APOBEC4: variants seen among roughly 807,000 people sequenced by gnomAD.
APOBEC4 encodes the protein apolipoprotein B mRNA editing enzyme catalytic polypeptide like 4.
For synonymous variants in APOBEC4, 141 were observed against 154.2 expected (o/e 0.91, Z 0.63); for missense variants, 375 against 441.2 (o/e 0.85, Z 1.34).
intron 1 of APOBEC4, among the ~76,000 whole-genome samples, chr1:183,651,195 T>C (rs980039265): frequency 3.9e-5 from 6 of 152,216 alleles, no homozygotes; most frequent in Non-Finnish European, 8.8e-5. Context: ...AAAGCATAAT[T>C]AAGTATTCCC....
At chr1:183,652,897 T>C (rs924327020) in intron 1 of APOBEC4, among the ~76,000 whole-genome samples, 175 bp downstream of exon 1, 1 of 152,184 alleles carries the variant, frequency 6.6e-6, no homozygotes, top group Non-Finnish European at 1.5e-5. Flanking sequence ...TTCCATAGTT[T>C]AACATAAATG....
Position 183,646,876 on chromosome 1 carries a change from G to A in APOBEC4, c.*802C>T, listed in dbSNP as rs571137498. 6.6e-6 allele frequency: 1 copy of A among 152,314 alleles called. No homozygotes were observed. The highest frequency in any genetic ancestry group is 1.5e-5 in the Non-Finnish European group (1 of 68,036). 9.4% of individuals were successfully genotyped at this position (152,314 alleles called of 1,614,324 possible). A position where few individuals can be genotyped will look rare whatever the true frequency, so the allele number is the denominator to read the frequency against. On this transcript the variant is annotated 3_prime_UTR_variant, in exon 2 of 2. Transcript: ENST00000308641. ...TAATGTGCTAGATCCTAAGGGAAAA[G>A]CTAAAGAGAAGGGAGAGACAGTGCT...
At chr1:183,649,591 A>C (rs75446744) in intron 1 of APOBEC4, among the ~76,000 whole-genome samples, 1,985 of 152,250 alleles carry the variant, frequency 0.013, 48 homozygotes, top group African/African-American at 0.046. Flanking sequence ...GATTGTGGAC[A>C]CTCATTCATT....
rs1650348872 is a variant in APOBEC4, at chr1:183,647,153, T to TC, written c.*524dup. The TC allele has an allele frequency of 1.3e-5, 2 of 152,940 alleles. No individual in the cohort carries two copies. Among genetic ancestry groups the TC allele is most frequent in the Admixed American group, 6.5e-5 (1 of 15,414 alleles). The allele number at this position is 152,940 out of a possible 1,614,324, so 9.5% of individuals were successfully genotyped here. ...ATATGTAATCAGCAGAAGAGCTTTT[T>TC]CCCACACAAAACTATTTTGAATCAC... is the stretch of plus-strand genomic sequence containing the variant. On this transcript the variant is annotated 3_prime_UTR_variant, in exon 2 of 2. Coordinates refer to ENST00000308641, the MANE Select transcript of APOBEC4 (RefSeq NM_203454.3).
chr1:183,649,954 G>A (rs553302767), intron 1 of APOBEC4, among the ~76,000 whole-genome samples: 1 of 152,220 alleles, frequency 6.6e-6, no homozygotes, highest in East Asian at 1.9e-4. Context: ...TGAGACCACA[G>A]GTATGTACCA....
In APOBEC4 at chr1:183,648,183, C is replaced by T. The variant is rs1331626685; in HGVS notation, c.599G>A (p.Ser200Asn). The T allele has an allele frequency of 6.2e-7, 1 of 1,614,206 alleles. No homozygotes were observed. Among genetic ancestry groups the T allele is most frequent in the South Asian group, 1.1e-5 (1 of 91,086 alleles). Residue 200 changes from serine to asparagine, a missense_variant, in exon 2 of 2, where the codon AGC (serine) becomes AAC (asparagine). Transcript: ENST00000308641. ...SGGIWHSVLHSFISGVSGSHV... is the reference protein window; with the variant it reads ...SGGIWHSVLHNFISGVSGSHV... Reference sequence around the variant, plus strand: ...TGATCCTGAGACACCACTTATAAAGCTGTGGAGAACAGAATGCCAGATCCC... The same window carrying T: ...TGATCCTGAGACACCACTTATAAAGTTGTGGAGAACAGAATGCCAGATCCC...
intron 1 of APOBEC4, among the ~76,000 whole-genome samples, chr1:183,650,311 G>A (rs1650632639): frequency 1.3e-5 from 2 of 152,130 alleles, no homozygotes; most frequent in South Asian, 4.1e-4. Context: ...TGGGAGGCCA[G>A]GGTGGGCGGA....
intron 1 of APOBEC4, among the ~76,000 whole-genome samples, chr1:183,650,142 C>T (rs1359986881): frequency 6.6e-6 from 1 of 152,160 alleles, no homozygotes; most frequent in Non-Finnish European, 1.5e-5. Context: ...TCTATTCCCT[C>T]CAGTCTTTTT....
chr1:183,648,936 A>G (rs1650519820), intron 1 of APOBEC4, 125 bp from the exon 2 acceptor site: 1 of 609,720 alleles, frequency 1.6e-6, no homozygotes, highest in Non-Finnish European at 2.8e-6. Context: ...ATATGCATAG[A>G]TTTAAAAGCT....
In APOBEC4 at chr1:183,647,675, A is replaced by G; in HGVS notation, c.*3T>C. On this transcript the variant is annotated 3_prime_UTR_variant, in exon 2 of 2. Coordinates refer to ENST00000308641, the MANE Select transcript of APOBEC4 (RefSeq NM_203454.3). ...TTGGTTTCATGCTGTAGGAATGTAG[A>G]TTTTATTTCTTCCCTTTCTTCTTCT... The G allele has an allele frequency of 1.9e-6, 3 of 1,590,402 alleles. No individual in the cohort carries two copies. Among genetic ancestry groups the G allele is most frequent in the Non-Finnish European group, 2.6e-6 (3 of 1,165,864 alleles).
chr1:183,649,970 C>G (rs1400888413), intron 1 of APOBEC4, among the ~76,000 whole-genome samples: 1 of 151,926 alleles, frequency 6.6e-6, no homozygotes, highest in Non-Finnish European at 1.5e-5. Context: ...TACCACCATG[C>G]CCAGATAATT....
rs986269257 is a variant in APOBEC4, at chr1:183,648,338, G to C, written c.444C>G (p.Ile148Met). The change falls in exon 2 of 2, where the codon ATC (isoleucine) becomes ATG (methionine). Residue 148 changes from isoleucine (I) to methionine (M), a missense_variant. By Grantham distance (10) the Ile-to-Met change is conservative (BLOSUM62 1). Transcript: ENST00000308641. ...GCTGAGAAAAATAAATACTAAGAGT[G>C]ATGCCTGGATACGTAATCAGGAAAT... ...MYNFLITYPG[I>M]TLSIYFSQLY... 2.7e-5 allele frequency: 44 copies of C among 1,614,094 alleles called. No homozygotes were observed. The highest frequency in any genetic ancestry group is 3.7e-5 in the Non-Finnish European group (44 of 1,180,038).
chr1:183,648,930 G>T (rs12088609), intron 1 of APOBEC4, 119 bp from the exon 2 acceptor site: 55,040 of 628,290 alleles, frequency 0.088, 3,630 homozygotes, highest in African/African-American at 0.26. Flanking sequence ...AGTGATATAT[G>T]CATAGATTTA....
At position 183,647,777 on chromosome 1, in the gene APOBEC4, C is replaced by G. The variant is rs149833216; in HGVS notation, c.1005G>C (p.Arg335Ser). 4.2e-5 allele frequency: 68 copies of G among 1,614,082 alleles called. No individual in the cohort carries two copies. The highest frequency in any genetic ancestry group is 5.3e-5 in the African/African-American group (4 of 74,922). Residue 335 changes from arginine (R) to serine (S), a missense_variant, in exon 2 of 2, where the codon AGG becomes AGC. By Grantham distance (110) the Arg-to-Ser change is moderately radical. Transcript: ENST00000308641. ...MSFQETKDLG[R>S]LPTGRSVEIV... ...TCTCCACTGACCTTCCAGTGGGAAGCCTTCCAAGGTCCTTGGTTTCCTGGA... is the reference window on the plus strand; with the variant it reads ...TCTCCACTGACCTTCCAGTGGGAAGGCTTCCAAGGTCCTTGGTTTCCTGGA...
chr1:183,651,699 T>C (rs1650765737), intron 1 of APOBEC4, among the ~76,000 whole-genome samples: 1 of 152,238 alleles, frequency 6.6e-6, no homozygotes, highest in Non-Finnish European at 1.5e-5. Flanking sequence ...ATTAGCTTTG[T>C]TTTTTCCTTA....
Position 183,647,690 on chromosome 1 carries a change from T to TTTC in APOBEC4, c.1089_1091dup (p.Lys364dup), listed in dbSNP as rs768937470. ...AGGAATGTAGATTTTATTTCTTCCC[T>TTTC]TTCTTCTTCTTCTTTTCATCTGCCT... On this transcript the variant is annotated inframe_insertion, in exon 2 of 2. Coordinates refer to ENST00000308641, the MANE Select transcript of APOBEC4 (RefSeq NM_203454.3). 235 of 1,595,966 alleles carry TTTC rather than the reference T, an allele frequency of 1.5e-4. No individual in the cohort carries two copies. The highest frequency in any genetic ancestry group is 1.9e-4 in the Non-Finnish European group (222 of 1,167,870).
At position 183,648,704 on chromosome 1, in the gene APOBEC4, G is replaced by A. The variant is rs144155004; in HGVS notation, c.78C>T (p.Leu26=). The A allele has an allele frequency of 2.1e-3, 3,381 of 1,614,090 alleles. 10 individuals are homozygous for A. The highest frequency in any genetic ancestry group is 2.1e-3 in the Non-Finnish European group (2,530 of 1,180,024). ...TATGGTAAGGACAATTAGAGCAATC[G>A]AGAGAGAAGCTTAGCCAGTAATATG... ...VKPYYWLSFS[L]DCSNCPYHIR... Residue 26 remains leucine, a synonymous_variant, in exon 2 of 2, where the codon CTC becomes CTT. Coordinates refer to ENST00000308641, the MANE Select transcript of APOBEC4 (RefSeq NM_203454.3).
At chr1:183,652,101 C>T (rs952920452) in intron 1 of APOBEC4, among the ~76,000 whole-genome samples, 26 of 152,176 alleles carry the variant, frequency 1.7e-4, no homozygotes, top group African/African-American at 5.5e-4. Context: ...AGGCACTTTT[C>T]TGTCTTTATT....
chr1:183,652,892 T>A lies in APOBEC4; in HGVS notation c.-31+180A>T, dbSNP rs140835294. Among the ~76,000 whole-genome samples the A allele has an allele frequency of 7.2e-5, 11 of 152,304 alleles. No individual in the cohort carries two copies. In the East Asian group the frequency reaches 2.1e-3, roughly 29 times the overall value. On this transcript the variant is annotated intron_variant, in intron 1 of 1. Coordinates refer to ENST00000308641, the MANE Select transcript of APOBEC4 (RefSeq NM_203454.3). ...GGGACCGTGGGAGGACAGCTTTCCA[T>A]AGTTTAACATAAATGAACCACACCA...
Sources: gnomAD v4.1 joint callset for allele counts (sites outside exome capture counted in the v4.1 genomes callset) on GRCh38, gnomAD v4.1.1 for gene constraint, MANE v1.5 for transcripts, NCBI Gene and HGNC (gene_info 2026-07-23, HGNC 2026-07-21) for gene names.